The following EPB41L1 variants were observed in gnomAD, a reference collection of about 807,000 sequenced individuals.
EPB41L1 encodes the protein band 4.1-like protein 1.
A neutral mutation model predicts 97.8 loss-of-function variants in EPB41L1; 29 were observed. The observed-to-expected ratio is 0.30, with a 90% CI of 0.22 to 0.40. The LOEUF (loss-of-function observed/expected upper bound fraction) is 0.40. EPB41L1 is among the 10% of genes least tolerant of loss of function. The pLI is 1.00. For synonymous variants in EPB41L1, 383 were observed against 459.2 expected (o/e 0.83, Z 2.12); for missense variants, 812 against 1,162.3 (o/e 0.70, Z 4.38).
chr20:36,127,487 T>C (rs1376525327), intron 2 of EPB41L1, among the ~76,000 whole-genome samples: 2 of 152,174 alleles, frequency 1.3e-5, no homozygotes, highest in African/African-American at 4.8e-5. Flanking sequence ...CCTACCTCCT[T>C]AGCTGGGGGT....
intron 1 of EPB41L1, among the ~76,000 whole-genome samples, chr20:36,098,940 G>A (rs565357504): frequency 1.3e-5 from 2 of 152,222 alleles, no homozygotes; most frequent in African/African-American, 2.4e-5. Context: ...GTGATCTGAG[G>A]CGGATTATTC....
intron 2 of EPB41L1, among the ~76,000 whole-genome samples, chr20:36,123,515 G>A (rs554720610): frequency 1.2e-4 from 19 of 152,032 alleles, no homozygotes; most frequent in Non-Finnish European, 2.6e-4. Flanking sequence ...ATCTTGGCTC[G>A]CTGCAACCTC....
intron 17 of EPB41L1, among the ~76,000 whole-genome samples, chr20:36,214,959 T>C (rs1218418154): frequency 6.6e-6 from 1 of 151,784 alleles, no homozygotes; most frequent in Non-Finnish European, 1.5e-5. Flanking sequence ...ATTTGCTGTC[T>C]GACCCATGAA....
intron 16 of EPB41L1, among the ~76,000 whole-genome samples, 199 bp from the exon 17 acceptor site, chr20:36,214,158 T>G (rs546819630): frequency 1.3e-5 from 2 of 152,334 alleles, no homozygotes; most frequent in South Asian, 4.1e-4. Context: ...CTGAGATTAT[T>G]TTTTATTTAC....
At position 36,110,708 on chromosome 20, in the gene EPB41L1, C is replaced by A. The variant is rs187591192; in HGVS notation, c.-64-1718C>A. 4.1e-3 allele frequency: 628 copies of A among 151,874 alleles called. 3 individuals are homozygous for A. The highest frequency in any genetic ancestry group is 6.6e-3 in the South Asian group (32 of 4,822). 9.4% of individuals were successfully genotyped at this position (151,874 alleles called of 1,614,324 possible). A position where few individuals can be genotyped will look rare whatever the true frequency, so the allele number is the denominator to read the frequency against. On this transcript the variant is annotated intron_variant, in intron 1 of 19. Coordinates refer to the EPB41L1 transcript ENST00000202028. Reference sequence around the variant, plus strand: ...TGTCCCTATTCCAGGTTTAAAGGACCCTGAAATTTGAAGACTATCCACACA... The same window carrying A: ...TGTCCCTATTCCAGGTTTAAAGGACACTGAAATTTGAAGACTATCCACACA...
intron 14 of EPB41L1, among the ~76,000 whole-genome samples, chr20:36,204,146 T>G (rs965532973): frequency 1.2e-4 from 18 of 152,182 alleles, no homozygotes; most frequent in African/African-American, 4.3e-4. Flanking sequence ...TGTATGGCCT[T>G]GGGCAAGATG....
chr20:36,115,450 C>T (rs2058555001), intron 2 of EPB41L1, among the ~76,000 whole-genome samples: 1 of 152,214 alleles, frequency 6.6e-6, no homozygotes, highest in Non-Finnish European at 1.5e-5. Context: ...ATCCATCCAG[C>T]CAGCATATGG....
chr20:36,097,043 G>A (rs2057854341), intron 1 of EPB41L1, among the ~76,000 whole-genome samples: 1 of 152,240 alleles, frequency 6.6e-6, no homozygotes. Flanking sequence ...TCTAGTGGAG[G>A]CAGGAGGAGG....
At chr20:36,102,526 G>T (rs1044754531) in intron 1 of EPB41L1, among the ~76,000 whole-genome samples, 4 of 152,172 alleles carry the variant, frequency 2.6e-5, no homozygotes, top group African/African-American at 4.8e-5. Context: ...CTGGGCCTCA[G>T]TTTTCCTAGC....
intron 1 of EPB41L1, among the ~76,000 whole-genome samples, chr20:36,107,310 T>C (rs1269126552): frequency 6.7e-6 from 1 of 148,276 alleles, no homozygotes; most frequent in Non-Finnish European, 1.5e-5. Context: ...AACCTCCGTC[T>C]CCCGGCTTCG....
intron 2 of EPB41L1, among the ~76,000 whole-genome samples, chr20:36,136,865 T>C (rs969349129): frequency 6.6e-6 from 1 of 151,682 alleles, no homozygotes; most frequent in Non-Finnish European, 1.5e-5. Context: ...ATTACAGGTG[T>C]GAGCCTGAAT....
intron 1 of EPB41L1, among the ~76,000 whole-genome samples, chr20:36,103,470 C>T (rs1158932118): frequency 6.6e-6 from 1 of 152,136 alleles, no homozygotes; most frequent in African/African-American, 2.4e-5. Context: ...GATCTTGATT[C>T]TGCCATTTCT....
In EPB41L1 at chr20:36,185,095, G is replaced by A. The variant is rs528130768; in HGVS notation, c.567-22G>A. 1.5e-5 allele frequency: 24 copies of A among 1,611,068 alleles called. No individual in the cohort carries two copies. In the South Asian group the frequency reaches 1.6e-4, roughly 11 times the overall value. On this transcript the variant is annotated intron_variant, in intron 6 of 21. Transcript: ENST00000338074. ...GGGAGGAGTAGGGCCCTGTGCCCAT[G>A]CTGGCTCTCCCCTATCTCCAGATAC... is the stretch of plus-strand genomic sequence containing the variant.
At chr20:36,138,427 T>A (rs1399842161) in intron 2 of EPB41L1, among the ~76,000 whole-genome samples, 2 of 151,918 alleles carry the variant, frequency 1.3e-5, no homozygotes, top group Non-Finnish European at 2.9e-5. Context: ...CCCCGCCCGC[T>A]AATTTTTGCA....
intron 2 of EPB41L1, among the ~76,000 whole-genome samples, chr20:36,122,321 C>T (rs933863271): frequency 6.6e-6 from 1 of 152,200 alleles, no homozygotes; most frequent in Non-Finnish European, 1.5e-5. Flanking sequence ...CAAATGGGGA[C>T]AGGAGGCCTG....
At chr20:36,116,541 A>C (rs2058589871) in intron 2 of EPB41L1, among the ~76,000 whole-genome samples, 1 of 152,210 alleles carries the variant, frequency 6.6e-6, no homozygotes, top group Non-Finnish European at 1.5e-5. Flanking sequence ...AACAGCTGTC[A>C]GTGCTTCATT....
intron 2 of EPB41L1, among the ~76,000 whole-genome samples, chr20:36,144,526 T>G (rs922659328): frequency 1.3e-5 from 2 of 152,204 alleles, no homozygotes; most frequent in African/African-American, 4.8e-5. Context: ...GAGGGCATCT[T>G]TGCCCAGGAC....
chr20:36,179,659 A>G (rs555699583), intron 5 of EPB41L1, among the ~76,000 whole-genome samples: 4 of 152,330 alleles, frequency 2.6e-5, no homozygotes, highest in Non-Finnish European at 5.9e-5. Flanking sequence ...GCCTCCACCC[A>G]GGGCCCCTCC....
At chr20:36,194,862 A>G (rs1025237653) in intron 12 of EPB41L1, among the ~76,000 whole-genome samples, 3 of 152,078 alleles carry the variant, frequency 2.0e-5, no homozygotes, top group Admixed American at 2.0e-4. Context: ...ACACTCACTT[A>G]ATAACAGATG....
Sources: allele counts gnomAD v4.1 joint callset (sites outside exome capture counted in the v4.1 genomes callset), GRCh38; gene constraint gnomAD v4.1.1; transcripts MANE v1.5; gene names NCBI Gene and HGNC (gene_info 2026-07-23, HGNC 2026-07-21).